MTERF4: variants seen among roughly 807,000 people sequenced by gnomAD.
MTERF4 encodes mitochondrial transcription termination factor 4, also known as transcription termination factor 4, mitochondrial.
A neutral mutation model predicts 22.5 loss-of-function variants in MTERF4; 17 were observed. The observed-to-expected ratio is 0.75, with a 90% confidence interval of 0.52 to 1.13. MTERF4 has a LOEUF of 1.13. Among genes scored for constraint, MTERF4 ranks in the 50% most tolerant of loss-of-function variants. The pLI, the probability that MTERF4 is intolerant of heterozygous loss-of-function variation, is 0.00. For missense variants in MTERF4, 420 were observed against 466.8 expected (o/e 0.90, Z 0.92); for synonymous variants, 165 against 175.3 (o/e 0.94, Z 0.47).
In MTERF4 at chr2:241,095,843, G is replaced by A. The variant is rs1164619281; in HGVS notation, c.*155C>T. On this transcript the variant is annotated 3_prime_UTR_variant, in exon 4 of 4. Coordinates refer to ENST00000391980, the MANE Select transcript of MTERF4 (RefSeq NM_182501.4). Reference sequence around the variant, plus strand: ...GTTTCCTGTTTGGTTTGATCTGTCTGCCTCTCAGGTGACTTATAATTTTTT... The same window carrying A: ...GTTTCCTGTTTGGTTTGATCTGTCTACCTCTCAGGTGACTTATAATTTTTT... 95 of 1,366,862 alleles carry A rather than the reference G, an allele frequency of 7.0e-5. No homozygotes were observed. Among genetic ancestry groups the A allele is most frequent in the Non-Finnish European group, 8.9e-5 (90 of 1,011,112 alleles). The allele number at this position is 1,366,862 out of a possible 1,614,324, so 84.7% of individuals were successfully genotyped here.
chr2:241,059,119 G>A, the MTERF4 span, among the ~76,000 whole-genome samples: 11 of 152,326 alleles, frequency 7.2e-5, 1 homozygote, highest in African/African-American at 2.6e-4. Flanking sequence ...GAACACCTAT[G>A]AGCAATTTTA....
the MTERF4 span, chr2:241,063,460 G>A: frequency 5.6e-6 from 4 of 717,816 alleles, no homozygotes; most frequent in Non-Finnish European, 1.0e-5. Flanking sequence ...AAAAGCACAT[G>A]TCCTGAGTAG....
chr2:241,089,785 G>A (rs1337858610), downstream of MTERF4, among the ~76,000 whole-genome samples: 7 of 152,234 alleles, frequency 4.6e-5, no homozygotes, highest in South Asian at 2.1e-4. Flanking sequence ...ACATCATAGC[G>A]CATACTTAGA....
In MTERF4 at chr2:241,099,858, C is replaced by G; in HGVS notation, c.58G>C (p.Ala20Pro). The change falls in exon 2 of 4, where the codon GCC becomes CCC. Residue 20 changes from alanine (A) to proline (P), a missense_variant. Coordinates refer to ENST00000391980, the MANE Select transcript of MTERF4 (RefSeq NM_182501.4). ...DWHRLIPLTWACMARQTPHLG... is the reference protein window; with the variant it reads ...DWHRLIPLTWPCMARQTPHLG... ...TGAGGAGTCTGCCTAGCCATACAGG[C>G]CCAGGTGAGGGGGATCAGGCGGTGC... 1 of 1,613,762 alleles carries G rather than the reference C, an allele frequency of 6.2e-7. No individual in the cohort carries two copies. The highest frequency in any genetic ancestry group is 1.3e-5 in the African/African-American group (1 of 75,024).
chr2:241,068,692 G>A (rs189594498), downstream of MTERF4, among the ~76,000 whole-genome samples: 6 of 152,158 alleles, frequency 3.9e-5, no homozygotes, highest in East Asian at 3.9e-4. This position sits in a 1 kb window ranked among gnomAD's most constrained non-coding sequence, Gnocchi z 5.3. Context: ...AAGCGCACCC[G>A]ATCCTCCTCC....
At chr2:241,089,944 A>G (rs10199156), downstream of MTERF4, 162,682 of 1,540,306 alleles carry the variant, frequency 0.11, 10,617 homozygotes, top group African/African-American at 0.29. Context: ...GAAAACCTAC[A>G]GTAAAAATAG....
At position 241,096,689 on chromosome 2, in the gene MTERF4, G is replaced by A. The variant is rs1575187233; in HGVS notation, c.706-251C>T. 2 of 674,008 alleles carry A rather than the reference G, an allele frequency of 3.0e-6. No individual in the cohort carries two copies. Among genetic ancestry groups the A allele is most frequent in the East Asian group, 6.0e-5 (2 of 33,392 alleles). 41.8% of individuals were successfully genotyped at this position (674,008 alleles called of 1,614,324 possible). ...GGGAAAAGGGGCAGGAGGGAGAAGG[G>A]GCAGAAGGAAGAGGTGGTATTTTTC... On this transcript the variant is annotated intron_variant, in intron 3 of 3. Coordinates refer to ENST00000391980, the MANE Select transcript of MTERF4 (RefSeq NM_182501.4). This position sits in a 1 kb window ranked among gnomAD's most constrained non-coding sequence, Gnocchi z 5.1.
the MTERF4 span, among the ~76,000 whole-genome samples, chr2:241,054,561 C>G: frequency 6.6e-6 from 1 of 152,102 alleles, no homozygotes; most frequent in Non-Finnish European, 1.5e-5. Context: ...GAGCAAGACC[C>G]CACCTCATAC....
downstream of MTERF4, chr2:241,090,086 CT>C (rs749418460): frequency 5.3e-6 from 8 of 1,510,056 alleles, no homozygotes; most frequent in South Asian, 1.0e-4. Context: ...AACTTTTTTA[CT>C]TTATACATTT....
downstream of MTERF4, chr2:241,089,455 A>C: frequency 3.2e-6 from 5 of 1,540,054 alleles, no homozygotes; most frequent in Non-Finnish European, 4.4e-6. Context: ...ACACACACCA[A>C]AGGAAGAGTG....
the MTERF4 span, chr2:241,052,243 C>G: frequency 6.8e-7 from 1 of 1,461,334 alleles, no homozygotes; most frequent in Non-Finnish European, 9.6e-7. Flanking sequence ...CAGGGCTGGT[C>G]CAGGCCCTGG....
chr2:241,067,115 G>C, the MTERF4 span, among the ~76,000 whole-genome samples: 1 of 152,234 alleles, frequency 6.6e-6, no homozygotes, highest in Non-Finnish European at 1.5e-5. Flanking sequence ...AGTGAAGACA[G>C]AGCCCGCCCT....
At position 241,096,061 on chromosome 2, in the gene MTERF4, A is replaced by G. The variant is rs1281838390; in HGVS notation, c.1083T>C (p.Asp361=). 1.2e-6 allele frequency: 2 copies of G among 1,612,686 alleles called. No individual in the cohort carries two copies. Among genetic ancestry groups the G allele is most frequent in the Non-Finnish European group, 8.5e-7 (1 of 1,179,514 alleles). Residue 361 remains aspartate, a synonymous_variant, in exon 4 of 4, where the codon GAT becomes GAC. Transcript: ENST00000391980. The surrounding 1 kb of genome is among the most constrained non-coding windows in gnomAD (Gnocchi z 5.1). Reference sequence around the variant, plus strand: ...CCTCCGCCTCGTCGTCGTCCTCATCATCGTCATCCTCATCATTGTCATCCT... The same window carrying G: ...CCTCCGCCTCGTCGTCGTCCTCATCGTCGTCATCCTCATCATTGTCATCCT... ...NDEDDNDEDD[D]DEDDDEAEDN...
At chr2:241,069,559 C>T (rs561333078), downstream of MTERF4, among the ~76,000 whole-genome samples, 3 of 152,302 alleles carry the variant, frequency 2.0e-5, no homozygotes, top group African/African-American at 2.4e-5. This position sits in a 1 kb window ranked among gnomAD's most constrained non-coding sequence, Gnocchi z 4.9. Context: ...AGATGCTGCC[C>T]GCCTGGCATG....
Position 241,073,065 on chromosome 2 carries a change from A to G in MTERF4, n.3097T>C. The G allele has an allele frequency of 1.8e-6, 1 of 567,900 alleles. No homozygotes were observed. The highest frequency in any genetic ancestry group is 2.8e-5 in the East Asian group (1 of 35,198). 35.2% of individuals were successfully genotyped at this position (567,900 alleles called of 1,614,324 possible). On this transcript the variant is annotated non_coding_transcript_exon_variant, in exon 5 of 5. Coordinates refer to the MTERF4 transcript ENST00000464344. This position sits in a 1 kb window ranked among gnomAD's most constrained non-coding sequence, Gnocchi z 6.6. ...TGCAAGGGGAAGGCCGAGCCCCTCC[A>G]GAGGGTCAGCAGGAGGGTGAGGCCA... is the stretch of plus-strand genomic sequence containing the variant.
chr2:241,069,271 G>A (rs1366111207), downstream of MTERF4, among the ~76,000 whole-genome samples: 1 of 152,204 alleles, frequency 6.6e-6, no homozygotes, highest in African/African-American at 2.4e-5. The surrounding 1 kb of genome is among the most constrained non-coding windows in gnomAD (Gnocchi z 4.9). Flanking sequence ...TCAGCATGGA[G>A]TTCCTACTGG....
At chr2:241,091,399 C>T (rs75682936), downstream of MTERF4, among the ~76,000 whole-genome samples, 2,508 of 120,970 alleles carry the variant, frequency 0.021, 226 homozygotes, top group East Asian at 0.23. This position sits in a 1 kb window ranked among gnomAD's most constrained non-coding sequence, Gnocchi z 4.1. Context: ...GGGATGTAGT[C>T]GGTGGAGGCT....
At chr2:241,048,501 T>C in the MTERF4 span, 1 of 1,541,130 alleles carries the variant, frequency 6.5e-7, no homozygotes, top group Non-Finnish European at 8.8e-7. Flanking sequence ...AGGGAGGGCC[T>C]TCCTGTGGGT....
the MTERF4 span, chr2:241,063,287 C>T: frequency 2.0e-6 from 1 of 501,654 alleles, no homozygotes; most frequent in Non-Finnish European, 3.6e-6. Context: ...ACGCAGGCTC[C>T]AGGGAGGGCA....
Sources: allele counts gnomAD v4.1 joint callset (sites outside exome capture counted in the v4.1 genomes callset), GRCh38; gene constraint gnomAD v4.1.1; non-coding constraint Gnocchi (gnomAD v3.1); transcripts MANE v1.5; gene names NCBI Gene and HGNC (gene_info 2026-07-23, HGNC 2026-07-21).